Variants in ATG4A observed in about 807,000 individuals in gnomAD.
ATG4A encodes the protein cysteine protease ATG4A.
A neutral mutation model predicts 38.4 loss-of-function variants in ATG4A; 22 were observed. The observed-to-expected ratio is 0.57, with a 90% CI of 0.41 to 0.82. The LOEUF (loss-of-function observed/expected upper bound fraction) is 0.82. Ranked by LOEUF, ATG4A falls within the 40% of genes least tolerant of loss-of-function variation. ATG4A has a pLI of 0.00. For missense variants in ATG4A, 220 were observed against 290.0 expected (o/e 0.76, Z 1.75); for synonymous variants, 86 against 100.7 (o/e 0.85, Z 0.88).
At chrX:108,143,517 TGG>T (rs367758526) in intron 9 of ATG4A, among the ~76,000 whole-genome samples, 64 of 111,805 alleles carry the variant, frequency 5.7e-4, no homozygotes, top group African/African-American at 1.8e-3. Context: ...ACCTCCATTG[TGG>T]GGTAGTAGAC....
chrX:108,126,802 G>C (rs1019680774), intron 2 of ATG4A: 15 of 971,828 alleles, frequency 1.5e-5, no homozygotes, highest in Non-Finnish European at 1.9e-5. Context: ...GATTGGGAAA[G>C]AAAGACCTTT....
intron 1 of ATG4A, among the ~76,000 whole-genome samples, chrX:108,124,690 A>G (rs2032753205): frequency 1.8e-5 from 2 of 111,688 alleles, no homozygotes; most frequent in African/African-American, 6.5e-5. Flanking sequence ...CTGTGTTTCT[A>G]AAAGTACTTG....
intron 9 of ATG4A, among the ~76,000 whole-genome samples, chrX:108,144,754 C>T (rs2033382761): frequency 1.8e-5 from 2 of 112,476 alleles, no homozygotes; most frequent in African/African-American, 6.5e-5. Flanking sequence ...TACCTCTTCC[C>T]CAAATTTGGC....
At chrX:108,133,742 T>A (rs928270596) in intron 4 of ATG4A, among the ~76,000 whole-genome samples, 38 of 112,310 alleles carry the variant, frequency 3.4e-4, no homozygotes, top group African/African-American at 1.1e-3. Flanking sequence ...GTTCACTGAG[T>A]AACTGGCCAG....
rs1423120006 is a variant in ATG4A at position 108,128,131 on chromosome X, T to G, written c.122-650T>G. 2.7e-5 allele frequency among the ~76,000 whole-genome samples: 3 copies of G among 111,839 alleles called. No individual in the cohort carries two copies. The Admixed American group carries it at 2.8e-4, about 11-fold the overall frequency. On this transcript the variant is annotated intron_variant, in intron 2 of 12. Transcript: ENST00000372232. The stretch of plus-strand genomic sequence containing the variant: ...AGTTTTTGTTTTGTTTTATTTTATT[T>G]TGTTTTGCTTGAGACAGGGTCTCTC...
intron 1 of ATG4A, among the ~76,000 whole-genome samples, chrX:108,105,637 G>A (rs947633542): frequency 1.8e-5 from 2 of 111,327 alleles, no homozygotes; most frequent in East Asian, 2.8e-4. Flanking sequence ...CCTCCCAACT[G>A]TGCTGAACTG....
At chrX:108,094,573 C>T (rs1030240388) in intron 1 of ATG4A, among the ~76,000 whole-genome samples, 2 of 111,758 alleles carry the variant, frequency 1.8e-5, no homozygotes. Flanking sequence ...GAGTACTGGT[C>T]AGGTATTTTG....
At chrX:108,144,290 G>T (rs2033373909) in intron 9 of ATG4A, among the ~76,000 whole-genome samples, 1 of 112,773 alleles carries the variant, frequency 8.9e-6, no homozygotes, top group Admixed American at 9.3e-5. Context: ...TACAGGATAG[G>T]TAAACCCATA....
intron 9 of ATG4A, among the ~76,000 whole-genome samples, chrX:108,140,529 A>T (rs994517582): frequency 2.9e-5 from 3 of 105,256 alleles, no homozygotes; most frequent in Admixed American, 2.1e-4. Flanking sequence ...AAAGTATATT[A>T]TCTCTCTGTC....
intron 1 of ATG4A, among the ~76,000 whole-genome samples, chrX:108,117,301 A>G (rs936228785): frequency 9.0e-6 from 1 of 111,666 alleles, no homozygotes; most frequent in Non-Finnish European, 1.9e-5. Flanking sequence ...GTTCATTTCA[A>G]TAGCAGAGAG....
intron 10 of ATG4A, 139 bp downstream of exon 10, chrX:108,150,436 G>T (rs1368285642): frequency 1.3e-5 from 11 of 835,461 alleles, no homozygotes; most frequent in Non-Finnish European, 1.9e-5. Flanking sequence ...GTGTAGTGGG[G>T]AAGGAATGGA....
intron 1 of ATG4A, among the ~76,000 whole-genome samples, chrX:108,103,972 G>A (rs1372791118): frequency 9.0e-6 from 1 of 111,101 alleles, no homozygotes; most frequent in Non-Finnish European, 1.9e-5. Context: ...TCAGCCTCCC[G>A]AGTAGCTGGG....
At chrX:108,096,687 GTATGTTATGT>G (rs778830866) in intron 1 of ATG4A, among the ~76,000 whole-genome samples, 8 of 108,837 alleles carry the variant, frequency 7.4e-5, no homozygotes, top group South Asian at 3.8e-4. Context: ...TTATTTTATT[GTATGTTATGT>G]TATGTTATGT....
intron 2 of ATG4A, 58 bp downstream of exon 2, chrX:108,126,245 A>G (rs1319875655): frequency 1.2e-6 from 1 of 867,517 alleles, no homozygotes; most frequent in African/African-American, 2.0e-5. Flanking sequence ...CCTGTGGTTC[A>G]GGGTTTGTAC....
chrX:108,101,690 A>C lies in ATG4A; in HGVS notation c.10+9854A>C, dbSNP rs535175455. On this transcript the variant is annotated intron_variant, in intron 1 of 12. Transcript: ENST00000372232. The stretch of plus-strand genomic sequence containing the variant: ...TACAGCAGATCTCTAGAAATTTTTC[A>C]TCTTGAATGACTGAAACTCTATGCT... Among the ~76,000 whole-genome samples, 7 of 109,426 alleles carry C rather than the reference A, an allele frequency of 6.4e-5. No individual in the cohort carries two copies. The South Asian group carries it at 2.8e-3, about 44-fold the overall frequency.
At chrX:108,146,104 C>G in intron 9 of ATG4A, among the ~76,000 whole-genome samples, 1 of 111,575 alleles carries the variant, frequency 9.0e-6, no homozygotes, top group Non-Finnish European at 1.9e-5. Context: ...GAGAGCGATT[C>G]ACTGCATAAA....
At chrX:108,148,376 T>G (rs897903009) in intron 9 of ATG4A, among the ~76,000 whole-genome samples, 1 of 106,099 alleles carries the variant, frequency 9.4e-6, no homozygotes, top group Non-Finnish European at 1.9e-5. Context: ...GCAACACCCT[T>G]GCAGACACAC....
At chrX:108,132,530 T>TG (rs2032986476) in intron 4 of ATG4A, among the ~76,000 whole-genome samples, 1 of 111,471 alleles carries the variant, frequency 9.0e-6, no homozygotes, top group Admixed American at 9.6e-5. Context: ...TGGGATATCC[T>TG]GCTTCCCCTG....
At chrX:108,106,074 C>T (rs771143725) in intron 1 of ATG4A, among the ~76,000 whole-genome samples, 2 of 111,728 alleles carry the variant, frequency 1.8e-5, no homozygotes, top group East Asian at 5.6e-4. Flanking sequence ...ACTTCCTATT[C>T]TGCCATCTTG....
Sources: gnomAD v4.1 joint callset for allele counts (sites outside exome capture counted in the v4.1 genomes callset) on GRCh38, gnomAD v4.1.1 for gene constraint, MANE v1.5 for transcripts, NCBI Gene and HGNC (gene_info 2026-07-23, HGNC 2026-07-21) for gene names.